OSBPL11: variants seen among roughly 807,000 people sequenced by gnomAD.
OSBPL11 encodes the protein oxysterol binding protein like 11.
A neutral mutation model predicts 84.4 loss-of-function variants in OSBPL11; 33 were observed. That is an observed-to-expected ratio of 0.39 (90% confidence interval 0.30 to 0.52). The LOEUF (loss-of-function observed/expected upper bound fraction) is 0.52, where lower values mean the gene tolerates loss of function less well. Ranked by LOEUF, OSBPL11 falls within the 20% of genes least tolerant of loss-of-function variation. The pLI, the probability that OSBPL11 is intolerant of heterozygous loss-of-function variation, is 0.72. For synonymous variants in OSBPL11, 276 were observed against 310.2 expected (o/e 0.89, Z 1.16); for missense variants, 736 against 901.1 (o/e 0.82, Z 2.35).
Position 125,576,383 on chromosome 3 carries a change from T to A in OSBPL11, c.490-18A>T. 3 of 1,531,882 alleles carry A rather than the reference T, an allele frequency of 2.0e-6. No individual in the cohort carries two copies. Among genetic ancestry groups the A allele is most frequent in the Non-Finnish European group, 2.6e-6 (3 of 1,146,324 alleles). The allele number at this position is 1,531,882 out of a possible 1,614,324, so 94.9% of individuals were successfully genotyped here. ...GGATTATTCTGTTAGACAAAGAAAA[T>A]CATTCCTTTTGTTTTCTTCTTTAAT... On this transcript the variant is annotated intron_variant, in intron 4 of 12. Transcript: ENST00000296220.
At position 125,586,035 on chromosome 3, in the gene OSBPL11, G is replaced by C. The variant is rs145959459; in HGVS notation, c.165-3057C>G. On this transcript the variant is annotated intron_variant, in intron 1 of 12. Transcript: ENST00000296220. Reference sequence around the variant, plus strand: ...GACAATTCCTTGAGTCCAGGAGTTTGAGACCAGCCTGGGCAACATAGGGAG... The same window carrying C: ...GACAATTCCTTGAGTCCAGGAGTTTCAGACCAGCCTGGGCAACATAGGGAG... Among the ~76,000 whole-genome samples, 146 of 152,240 alleles carry C rather than the reference G, an allele frequency of 9.6e-4. 1 individual carries two copies. The highest frequency in any genetic ancestry group is 6.8e-3 in the Middle Eastern group (2 of 294).
intron 4 of OSBPL11, among the ~76,000 whole-genome samples, chr3:125,577,680 T>A (rs1315915707): frequency 1.3e-5 from 2 of 151,658 alleles, no homozygotes; most frequent in Non-Finnish European, 2.9e-5. Context: ...ATACAAAAAA[T>A]TAGCCGGGCG....
rs1273929532 is a variant in OSBPL11, at chr3:125,560,539, A to G, written c.1015-20T>C. On this transcript the variant is annotated intron_variant, in intron 7 of 12. Transcript: ENST00000296220. ...AGGCTCCTTGATGGAAAACAAAGCA[A>G]AAGTCTAGTATTTTAACTACCTATT... 2.0e-6 allele frequency: 3 copies of G among 1,534,250 alleles called. No homozygotes were observed. The South Asian group carries it at 3.9e-5, about 20-fold the overall frequency.
chr3:125,585,233 C>T (rs1289089187), intron 1 of OSBPL11, among the ~76,000 whole-genome samples: 1 of 152,062 alleles, frequency 6.6e-6, no homozygotes, highest in Non-Finnish European at 1.5e-5. Context: ...GGGGCTCATG[C>T]GATTTTTCTG....
intron 5 of OSBPL11, among the ~76,000 whole-genome samples, chr3:125,568,214 G>A (rs12495987): frequency 0.067 from 10,163 of 151,916 alleles, 465 homozygotes; most frequent in Non-Finnish European, 0.098. Flanking sequence ...GGCAGATCAC[G>A]AGGTCAGGAG....
intron 11 of OSBPL11, among the ~76,000 whole-genome samples, chr3:125,534,968 A>G (rs1359963662): frequency 6.9e-6 from 1 of 145,676 alleles, no homozygotes; most frequent in Non-Finnish European, 1.5e-5. Flanking sequence ...AAAAAAAAAA[A>G]AAAAAAAAAG....
At chr3:125,568,305 C>T (rs1229897088) in intron 5 of OSBPL11, among the ~76,000 whole-genome samples, 3 of 151,976 alleles carry the variant, frequency 2.0e-5, no homozygotes, top group Non-Finnish European at 4.4e-5. Flanking sequence ...GTGGCAGGCA[C>T]TTGTAGTCTC....
intron 8 of OSBPL11, among the ~76,000 whole-genome samples, chr3:125,559,658 G>A (rs893478937): frequency 6.6e-6 from 1 of 151,942 alleles, no homozygotes; most frequent in Non-Finnish European, 1.5e-5. Context: ...ACAGGGTTTT[G>A]CCACGTTGGC....
chr3:125,587,344 T>A (rs1057409143), intron 1 of OSBPL11, among the ~76,000 whole-genome samples: 1 of 152,208 alleles, frequency 6.6e-6, no homozygotes, highest in Non-Finnish European at 1.5e-5. Context: ...TTGTTCCAAC[T>A]TAAGATGTTA....
At chr3:125,558,573 A>G (rs1424652879) in intron 8 of OSBPL11, among the ~76,000 whole-genome samples, 7 of 152,222 alleles carry the variant, frequency 4.6e-5, no homozygotes, top group Admixed American at 2.0e-4. Context: ...AAAATCTCCA[A>G]TTGACATCTA....
At chr3:125,590,344 G>C (rs1936578299) in intron 1 of OSBPL11, among the ~76,000 whole-genome samples, 1 of 152,174 alleles carries the variant, frequency 6.6e-6, no homozygotes. Flanking sequence ...GAGGTCAGGA[G>C]TTTGAGACCA....
chr3:125,580,272 T>C (rs1936402437), intron 2 of OSBPL11, among the ~76,000 whole-genome samples: 1 of 152,094 alleles, frequency 6.6e-6, no homozygotes, highest in Non-Finnish European at 1.5e-5. Context: ...CCCAGCACTT[T>C]GGGAGGCAGA....
intron 10 of OSBPL11, among the ~76,000 whole-genome samples, chr3:125,544,710 T>A (rs1935785249): frequency 6.6e-6 from 1 of 152,200 alleles, no homozygotes; most frequent in Non-Finnish European, 1.5e-5. Context: ...TTTGCCTCTC[T>A]CCACAACTCA....
chr3:125,548,117 G>T (rs892460047), intron 9 of OSBPL11, among the ~76,000 whole-genome samples: 1 of 152,092 alleles, frequency 6.6e-6, no homozygotes, highest in Admixed American at 6.6e-5. Context: ...GACCTGAGGC[G>T]ATCCACCTGC....
At chr3:125,536,640 C>T (rs1007902957) in intron 11 of OSBPL11, among the ~76,000 whole-genome samples, 2 of 152,132 alleles carry the variant, frequency 1.3e-5, no homozygotes, top group Non-Finnish European at 2.9e-5. Flanking sequence ...TCATGTCTTT[C>T]ATTTACAAGA....
chr3:125,581,695 C>CAAAAAAAAA, intron 2 of OSBPL11, among the ~76,000 whole-genome samples: 1 of 63,828 alleles, frequency 1.6e-5, no homozygotes, highest in Non-Finnish European at 3.1e-5. Flanking sequence ...GACTCCATCT[C>CAAAAAAAAA]AAAAAAAAAA....
rs1321353067 is a variant in OSBPL11, at chr3:125,552,893, G to A, written c.1156-214C>T. 2.6e-5 allele frequency among the ~76,000 whole-genome samples: 4 copies of A among 152,188 alleles called. No homozygotes were observed. In the East Asian group the frequency reaches 7.7e-4, roughly 29 times the overall value. Reference sequence around the variant, plus strand: ...AGCACTTTGGGAGGCCAAGTTGGGAGGATTGTTTCAGCACAGGAGTTCGAA... The same window carrying A: ...AGCACTTTGGGAGGCCAAGTTGGGAAGATTGTTTCAGCACAGGAGTTCGAA... On this transcript the variant is annotated intron_variant, in intron 8 of 12. Transcript: ENST00000296220.
chr3:125,560,525 T>A lies in OSBPL11; in HGVS notation c.1015-6A>T, dbSNP rs766839694. The A allele has an allele frequency of 1.1e-5, 17 of 1,550,056 alleles. No homozygotes were observed. The highest frequency in any genetic ancestry group is 1.4e-5 in the Non-Finnish European group (16 of 1,143,712). Reference sequence around the variant, plus strand: ...GCATTTATTTCTTCAGGCTCCTTGATGGAAAACAAAGCAAAAGTCTAGTAT... The same window carrying A: ...GCATTTATTTCTTCAGGCTCCTTGAAGGAAAACAAAGCAAAAGTCTAGTAT... On this transcript the variant is annotated splice_polypyrimidine_tract_variant and splice_region_variant and intron_variant, in intron 7 of 12. Transcript: ENST00000296220.
chr3:125,540,911 A>G (rs957867363), intron 10 of OSBPL11, among the ~76,000 whole-genome samples: 20 of 152,212 alleles, frequency 1.3e-4, no homozygotes, highest in African/African-American at 4.3e-4. Flanking sequence ...GAGGAGGAGG[A>G]AGGCCTCATC....
Sources: gnomAD v4.1 joint callset for allele counts (sites outside exome capture counted in the v4.1 genomes callset) on GRCh38, gnomAD v4.1.1 for gene constraint, MANE v1.5 for transcripts, NCBI Gene and HGNC (gene_info 2026-07-23, HGNC 2026-07-21) for gene names.